The following SMG6 variants were observed in gnomAD, a reference collection of about 807,000 sequenced individuals.
SMG6 encodes the protein telomerase-binding protein EST1A.
In SMG6, 66 loss-of-function variants were observed where a neutral mutation model predicts 142.2. That is an observed-to-expected ratio of 0.46 (90% confidence interval 0.38 to 0.57). The LOEUF is 0.57. SMG6 is among the 20% of genes least tolerant of loss of function. The pLI, the probability that SMG6 is intolerant of heterozygous loss-of-function variation, is 0.00. For missense variants in SMG6, 1,793 were observed against 1,832.0 expected (o/e 0.98, Z 0.39); for synonymous variants, 779 against 702.4 (o/e 1.11, Z -1.72).
chr17:2,134,575 C>T (rs2070232484), intron 13 of SMG6, among the ~76,000 whole-genome samples: 1 of 151,526 alleles, frequency 6.6e-6, no homozygotes, highest in Non-Finnish European at 1.5e-5. Context: ...CAAGTGTTAA[C>T]AATGAAGGCA....
intron 13 of SMG6, chr17:2,087,465 C>T (rs2068595670): frequency 9.1e-7 from 1 of 1,097,456 alleles, no homozygotes; most frequent in African/African-American, 1.6e-5. Flanking sequence ...CTTTCTCTCA[C>T]CATTGGCCCT....
chr17:2,204,928 A>C, intron 10 of SMG6, among the ~76,000 whole-genome samples: 1 of 152,016 alleles, frequency 6.6e-6, no homozygotes, highest in East Asian at 1.9e-4. Context: ...ATGCCACTAC[A>C]CTCCAGCCTG....
chr17:2,192,751 AG>A (rs1180711968), intron 10 of SMG6, among the ~76,000 whole-genome samples: 2 of 152,184 alleles, frequency 1.3e-5, no homozygotes, highest in African/African-American at 4.8e-5. Context: ...CCTTGTCTAC[AG>A]GAAGTGGGCA....
chr17:2,244,728 GA>G lies in SMG6; in HGVS notation c.2662-10del. 2.5e-6 allele frequency: 4 copies of G among 1,611,016 alleles called. No individual in the cohort carries two copies. Among genetic ancestry groups the G allele is most frequent in the Non-Finnish European group, 3.4e-6 (4 of 1,177,400 alleles). On this transcript the variant is annotated splice_polypyrimidine_tract_variant and intron_variant, in intron 8 of 18. Coordinates refer to ENST00000263073, the MANE Select transcript of SMG6 (RefSeq NM_017575.5). ...ATGAACCTTTTGTTCAGCTGCATGG[GA>G]AAAAGGGAGAGGAGAAAACAATTAA... is the stretch of plus-strand genomic sequence containing the variant.
intron 7 of SMG6, 78 bp from the exon 8 acceptor site, chr17:2,282,937 G>A: frequency 1.4e-6 from 2 of 1,404,446 alleles, no homozygotes; most frequent in South Asian, 1.2e-5. Context: ...TAGAGATGCG[G>A]AGGCAGGCGG....
intron 13 of SMG6, chr17:2,087,637 A>G: frequency 4.0e-6 from 4 of 996,874 alleles, no homozygotes; most frequent in Non-Finnish European, 4.8e-6. Flanking sequence ...GGAGAAGGGA[A>G]GCTTGTCTTG....
chr17:2,090,622 C>G (rs1317842924), intron 13 of SMG6, among the ~76,000 whole-genome samples: 1 of 152,192 alleles, frequency 6.6e-6, no homozygotes, highest in East Asian at 1.9e-4. Context: ...ATTTCTTTTT[C>G]TGAATTTTTG....
intron 12 of SMG6, among the ~76,000 whole-genome samples, chr17:2,184,680 A>T (rs1320753432): frequency 1.5e-5 from 2 of 129,184 alleles, no homozygotes; most frequent in Non-Finnish European, 3.3e-5. Flanking sequence ...AAAAAAAAAA[A>T]GGCTGGGTAC....
chr17:2,298,772 C>G (rs2075201810), intron 2 of SMG6, 134 bp downstream of exon 2: 1 of 791,060 alleles, frequency 1.3e-6, no homozygotes, highest in Admixed American at 2.4e-5. Flanking sequence ...TTCCAACTGC[C>G]CTTCCCTTAC....
At chr17:2,106,692 C>T (rs775229416) in intron 13 of SMG6, among the ~76,000 whole-genome samples, 3 of 152,114 alleles carry the variant, frequency 2.0e-5, no homozygotes, top group Non-Finnish European at 2.9e-5. Context: ...AGCTTACAGG[C>T]CACTACATAT....
intron 9 of SMG6, 155 bp from the exon 10 acceptor site, chr17:2,236,792 C>T: frequency 7.6e-7 from 1 of 1,323,418 alleles, no homozygotes. Context: ...GCTACTTTCA[C>T]AAACCTTCCC....
chr17:2,171,965 C>T (rs1373727545), intron 13 of SMG6, among the ~76,000 whole-genome samples: 4 of 152,094 alleles, frequency 2.6e-5, no homozygotes, highest in African/African-American at 4.8e-5. Flanking sequence ...TGTTATTACA[C>T]GTGGGAAATG....
At chr17:2,113,339 G>A (rs931205757) in intron 13 of SMG6, among the ~76,000 whole-genome samples, 1 of 152,094 alleles carries the variant, frequency 6.6e-6, no homozygotes, top group Admixed American at 6.6e-5. Context: ...GCCTCACAGC[G>A]TGCTTGGGTA....
At chr17:2,108,771 GTC>G (rs2069225712) in intron 13 of SMG6, among the ~76,000 whole-genome samples, 1 of 152,090 alleles carries the variant, frequency 6.6e-6, no homozygotes. Flanking sequence ...GCGAAGACCC[GTC>G]TCTGCTAAAA....
intron 13 of SMG6, among the ~76,000 whole-genome samples, chr17:2,109,202 T>G (rs1395632369): frequency 6.6e-6 from 1 of 152,098 alleles, no homozygotes; most frequent in Non-Finnish European, 1.5e-5. Context: ...GATTACCAAG[T>G]CTATGTAGTA....
intron 12 of SMG6, chr17:2,173,096 AC>A: frequency 1.9e-6 from 1 of 530,204 alleles, no homozygotes; most frequent in Non-Finnish European, 3.4e-6. Flanking sequence ...TTTAATCCTC[AC>A]CAGAGAGGAA....
chr17:2,152,601 TCAA>T (rs2070860582), intron 13 of SMG6, among the ~76,000 whole-genome samples: 1 of 152,148 alleles, frequency 6.6e-6, no homozygotes, highest in Non-Finnish European at 1.5e-5. Context: ...GAAAAGATGC[TCAA>T]CATCATTAGC....
In SMG6 at chr17:2,065,458, AG is replaced by A. The variant is rs746109927; in HGVS notation, c.4047+9del. On this transcript the variant is annotated intron_variant, in intron 17 of 18. Coordinates refer to ENST00000263073, the MANE Select transcript of SMG6 (RefSeq NM_017575.5). ...GCTGTGGGCTTTCCCTTCCTGCCAC[AG>A]GGTCTCACCAGCTGGCCAGTGATGT... The A allele has an allele frequency of 5.0e-5, 81 of 1,609,566 alleles. No homozygotes were observed. The highest frequency in any genetic ancestry group is 6.6e-5 in the Non-Finnish European group (78 of 1,178,850).
rs377297142 is a variant in SMG6, at chr17:2,216,363, G to C, written c.2869+20129C>G. On this transcript the variant is annotated intron_variant, in intron 10 of 18. Coordinates refer to ENST00000263073, the MANE Select transcript of SMG6 (RefSeq NM_017575.5). ...TCCCCACAGTTTGGGGCTAAGAAAA[G>C]GGGGGGAAAAAGTAGGCTGAAGATT... 2.2e-4 allele frequency among the ~76,000 whole-genome samples: 33 copies of C among 152,130 alleles called. No homozygotes were observed. The South Asian group carries it at 6.0e-3, about 28-fold the overall frequency.
Sources: allele counts gnomAD v4.1 joint callset (sites outside exome capture counted in the v4.1 genomes callset), GRCh38; gene constraint gnomAD v4.1.1; transcripts MANE v1.5; gene names NCBI Gene and HGNC (gene_info 2026-07-23, HGNC 2026-07-21).